Variants in HMCN1 observed in about 807,000 individuals in gnomAD.
HMCN1 encodes the protein hemicentin 1.
A neutral mutation model predicts 625.9 loss-of-function variants in HMCN1; 321 were observed. The ratio of observed to expected loss-of-function variants is 0.51; its 90% CI spans 0.47 to 0.56. The LOEUF (loss-of-function observed/expected upper bound fraction) is 0.56, where lower values mean the gene tolerates loss of function less well. Ranked by LOEUF, HMCN1 falls within the 20% of genes least tolerant of loss-of-function variation. The pLI, the probability that HMCN1 is intolerant of heterozygous loss-of-function variation, is 0.00. For synonymous variants in HMCN1, 2,425 were observed against 2,417.6 expected, an observed-to-expected ratio of 1.00 and a Z score of -0.09; for missense variants, 6,588 against 6,887.3, an observed-to-expected ratio of 0.96 and a Z score of 1.54.
intron 22 of HMCN1, among the ~76,000 whole-genome samples, chr1:185,991,847 G>A (rs997159054): frequency 2.0e-5 from 3 of 151,988 alleles, no homozygotes; most frequent in African/African-American, 4.8e-5. Context: ...AGCTTTATAG[G>A]CATTGCTAAA....
At position 186,114,017 on chromosome 1, in the gene HMCN1, ATTC is replaced by A. The variant is rs1558233437; in HGVS notation, c.11173_11175del (p.Leu3726del). On this transcript the variant is annotated inframe_deletion, in exon 73 of 107. Coordinates refer to ENST00000271588, the MANE Select transcript of HMCN1 (RefSeq NM_031935.3). ...AAAGGGGGGCCCCCAGAGCCTTGTA[ATTC>A]TTTTAAATAAGTCAACTGTATTGGA... 10 of 1,614,170 alleles carry A rather than the reference ATTC, an allele frequency of 6.2e-6. No individual in the cohort carries two copies. Among genetic ancestry groups the A allele is most frequent in the Non-Finnish European group, 8.5e-6 (10 of 1,180,022 alleles).
At chr1:186,159,782 G>A (rs1377995182) in intron 97 of HMCN1, among the ~76,000 whole-genome samples, 3 of 152,140 alleles carry the variant, frequency 2.0e-5, no homozygotes, top group Non-Finnish European at 4.4e-5. Context: ...ACTTGATCAT[G>A]GTGGATAAGC....
chr1:185,798,083 C>G (rs1658527802), intron 1 of HMCN1, among the ~76,000 whole-genome samples: 1 of 140,506 alleles, frequency 7.1e-6, no homozygotes, highest in African/African-American at 2.6e-5. Flanking sequence ...TGCATTTCTT[C>G]TAGGACCAGT....
chr1:185,806,605 G>T (rs1396665522), intron 1 of HMCN1, among the ~76,000 whole-genome samples: 5 of 147,010 alleles, frequency 3.4e-5, no homozygotes, highest in African/African-American at 1.2e-4. Context: ...AATTATCTTT[G>T]ATTTTTTTCT....
chr1:186,067,293 G>A (rs572582493), intron 49 of HMCN1, among the ~76,000 whole-genome samples: 51 of 152,094 alleles, frequency 3.4e-4, no homozygotes, highest in African/African-American at 1.2e-3. Context: ...TAAAACAAAT[G>A]TACCTGTCTC....
chr1:186,114,815 G>C lies in HMCN1; in HGVS notation c.11277-4G>C. 2.5e-6 allele frequency: 4 copies of C among 1,614,102 alleles called. No homozygotes were observed. The highest frequency in any genetic ancestry group is 3.4e-6 in the Non-Finnish European group (4 of 1,179,986). On this transcript the variant is annotated splice_polypyrimidine_tract_variant and splice_region_variant and intron_variant, in intron 73 of 106. Coordinates refer to ENST00000271588, the MANE Select transcript of HMCN1 (RefSeq NM_031935.3). ...GAAGACTTCACTTGTGATTTCTCTTGTAGATATTCCATCTTGGAAAATGGA... is the reference window on the plus strand; with the variant it reads ...GAAGACTTCACTTGTGATTTCTCTTCTAGATATTCCATCTTGGAAAATGGA...
intron 20 of HMCN1, among the ~76,000 whole-genome samples, chr1:185,987,936 G>A (rs913677686): frequency 2.6e-5 from 4 of 152,058 alleles, no homozygotes; most frequent in East Asian, 1.9e-4. Flanking sequence ...GTAGACCTGC[G>A]CTGAAATTAA....
intron 4 of HMCN1, among the ~76,000 whole-genome samples, chr1:185,867,779 TC>T (rs886257030): frequency 2.0e-5 from 3 of 151,916 alleles, no homozygotes; most frequent in Admixed American, 2.0e-4. Context: ...ACTTAGAGAT[TC>T]CCAAAACAGG....
intron 19 of HMCN1, among the ~76,000 whole-genome samples, chr1:185,986,357 A>T (rs1435097682): frequency 6.6e-6 from 1 of 152,100 alleles, no homozygotes; most frequent in African/African-American, 2.4e-5. Flanking sequence ...AGAAATGATG[A>T]GTGATTGAGC....
intron 51 of HMCN1, 94 bp downstream of exon 51, chr1:186,069,870 C>T (rs1388528624): frequency 1.2e-6 from 1 of 810,820 alleles, no homozygotes; most frequent in Admixed American, 2.0e-5. Context: ...ATTATTTATA[C>T]TCACCATTAA....
At chr1:185,864,424 T>C in intron 2 of HMCN1, 46 bp from the exon 3 acceptor site, 1 of 1,595,612 alleles carries the variant, frequency 6.3e-7, no homozygotes, top group South Asian at 1.1e-5. Context: ...AAATATTCAA[T>C]TGTTTTTGAT....
intron 1 of HMCN1, 104 bp from the exon 2 acceptor site, chr1:185,845,922 T>C: frequency 1.4e-6 from 1 of 733,384 alleles, no homozygotes; most frequent in South Asian, 1.5e-5. Flanking sequence ...TTCTTATTAA[T>C]AAGTAACCAT....
chr1:186,017,887 T>G (rs1654466950), intron 33 of HMCN1, among the ~76,000 whole-genome samples: 1 of 152,024 alleles, frequency 6.6e-6, no homozygotes, highest in African/African-American at 2.4e-5. Context: ...AAATGGGATA[T>G]CCATCACCTC....
At position 185,892,184 on chromosome 1, in the gene HMCN1, G is replaced by T. The variant is rs975652531; in HGVS notation, c.622-17153G>T. Among the ~76,000 whole-genome samples the T allele has an allele frequency of 2.0e-5, 3 of 148,730 alleles. 1 individual carries two copies. Among genetic ancestry groups the T allele is most frequent in the African/African-American group, 2.6e-5 (1 of 38,154 alleles). On this transcript the variant is annotated intron_variant, in intron 4 of 106. Transcript: ENST00000271588. ...CATCAGCTCCTTTAAGCACCTCTCT[G>T]TATTGGTTATTCTAGTTATACATTC...
chr1:186,040,040 G>T (rs1656105231), intron 39 of HMCN1, among the ~76,000 whole-genome samples, 161 bp downstream of exon 39: 1 of 151,956 alleles, frequency 6.6e-6, no homozygotes, highest in African/African-American at 2.4e-5. Flanking sequence ...ACATAACTGG[G>T]GTCCCCAAAC....
At chr1:186,031,213 CATTG>C in intron 36 of HMCN1, among the ~76,000 whole-genome samples, 1 of 152,038 alleles carries the variant, frequency 6.6e-6, no homozygotes, top group Admixed American at 6.5e-5. Flanking sequence ...TCCTAGAATT[CATTG>C]CTTTCCATTT....
At chr1:185,804,827 T>C (rs1055832101) in intron 1 of HMCN1, among the ~76,000 whole-genome samples, 1 of 152,104 alleles carries the variant, frequency 6.6e-6, no homozygotes, top group Non-Finnish European at 1.5e-5. Context: ...AAATCCCTGC[T>C]CTTTAAACTT....
At chr1:185,909,242 G>A (rs1342500678) in intron 4 of HMCN1, 95 bp from the exon 5 acceptor site, 28 of 897,020 alleles carry the variant, frequency 3.1e-5, no homozygotes, top group Admixed American at 5.3e-5. Context: ...AGGATGTGCC[G>A]GAGTCATTTG....
intron 1 of HMCN1, among the ~76,000 whole-genome samples, chr1:185,783,084 A>G (rs190561575): frequency 1.2e-3 from 184 of 151,982 alleles, no homozygotes; most frequent in African/African-American, 3.8e-3. Flanking sequence ...TTCTTGATTC[A>G]TTTCATTCAT....
Sources: gnomAD v4.1 joint callset for allele counts (sites outside exome capture counted in the v4.1 genomes callset) on GRCh38, gnomAD v4.1.1 for gene constraint, MANE v1.5 for transcripts, NCBI Gene and HGNC (gene_info 2026-07-23, HGNC 2026-07-21) for gene names.